The following ZNF652 variants were observed in gnomAD, a reference collection of about 807,000 sequenced individuals.
ZNF652 encodes zinc finger protein 652.
In ZNF652, 16 loss-of-function variants were observed where a neutral mutation model predicts 45.2. That is an observed-to-expected ratio of 0.35 (90% CI 0.24 to 0.54). The LOEUF is 0.54. ZNF652 is among the 20% of genes least tolerant of loss of function. The probability of loss-of-function intolerance (pLI) is 0.91; values close to 1 mark genes in which losing one functional copy is unlikely to be tolerated. For synonymous variants in ZNF652, 250 were observed against 260.6 expected (o/e 0.96, Z 0.39); for missense variants, 614 against 765.6 (o/e 0.80, Z 2.34).
At chr17:49,304,704 T>A (rs937756630) in intron 5 of ZNF652, among the ~76,000 whole-genome samples, 1 of 152,084 alleles carries the variant, frequency 6.6e-6, no homozygotes, top group Admixed American at 6.5e-5. Context: ...AGCAATGTAA[T>A]GAGTCTGAAG....
At chr17:49,351,002 TATATATATATATAC>T (rs2070270283) in intron 1 of ZNF652, among the ~76,000 whole-genome samples, 3 of 20,530 alleles carry the variant, frequency 1.5e-4, no homozygotes, top group African/African-American at 2.7e-4. Flanking sequence ...TATATATATA[TATATATATATATAC>T]ACACACACAC....
At chr17:49,347,529 C>T (rs903829095) in intron 1 of ZNF652, among the ~76,000 whole-genome samples, 1 of 152,078 alleles carries the variant, frequency 6.6e-6, no homozygotes, top group Non-Finnish European at 1.5e-5. Flanking sequence ...CATGCCACTG[C>T]ACTCCAGCCT....
intron 1 of ZNF652, among the ~76,000 whole-genome samples, chr17:49,327,775 A>G (rs1250215227): frequency 4.1e-3 from 10 of 2,426 alleles, no homozygotes; most frequent in African/African-American, 0.014. Flanking sequence ...ATATATATAT[A>G]TATATTTTTT....
chr17:49,334,317 CAA>C (rs1170947072), intron 1 of ZNF652, among the ~76,000 whole-genome samples: 7 of 152,168 alleles, frequency 4.6e-5, no homozygotes, highest in African/African-American at 1.7e-4. Flanking sequence ...CTCGTCTCTA[CAA>C]AAAGTTTTTC....
rs371898730 is a variant in ZNF652, at chr17:49,336,759, C to T, written c.-258-18776G>A. Among the ~76,000 whole-genome samples, 31 of 151,546 alleles carry T rather than the reference C, an allele frequency of 2.0e-4. 1 individual carries two copies. Among genetic ancestry groups the T allele is most frequent in the African/African-American group, 5.3e-4 (22 of 41,308 alleles). ...CTCCTGCTTCAGCCTCCTGAGTTGCCGGGATTACAGGCGCATGCTACCACA... is the reference window on the plus strand; with the variant it reads ...CTCCTGCTTCAGCCTCCTGAGTTGCTGGGATTACAGGCGCATGCTACCACA... On this transcript the variant is annotated intron_variant, in intron 1 of 5. Transcript: ENST00000430262.
At chr17:49,300,046 AAAG>A (rs2069531142) in intron 5 of ZNF652, among the ~76,000 whole-genome samples, 1 of 152,202 alleles carries the variant, frequency 6.6e-6, no homozygotes, top group Non-Finnish European at 1.5e-5. Flanking sequence ...CCTGTGGAAC[AAAG>A]AAGTCTCTTC....
At position 49,317,975 on chromosome 17, in the gene ZNF652, G is replaced by A. The variant is rs963668938; in HGVS notation, c.-250C>T. The A allele has an allele frequency of 2.7e-6, 1 of 367,074 alleles. No individual in the cohort carries two copies. The highest frequency in any genetic ancestry group is 2.1e-5 in the African/African-American group (1 of 47,848). 22.7% of individuals were successfully genotyped at this position (367,074 alleles called of 1,614,324 possible). On this transcript the variant is annotated 5_prime_UTR_variant, in exon 2 of 6. Coordinates refer to ENST00000430262, the MANE Select transcript of ZNF652 (RefSeq NM_001145365.3). Reference sequence around the variant, plus strand: ...GAAGAGAGCTGCAAGGGACTTGGGAGCATCTTATCTACAAAGAAAAGCAAA... The same window carrying A: ...GAAGAGAGCTGCAAGGGACTTGGGAACATCTTATCTACAAAGAAAAGCAAA...
chr17:49,328,579 A>G (rs1265466305), intron 1 of ZNF652, among the ~76,000 whole-genome samples: 1 of 152,044 alleles, frequency 6.6e-6, no homozygotes, highest in Non-Finnish European at 1.5e-5. Flanking sequence ...TTTACATGAG[A>G]TCTGGTTAAG....
At chr17:49,345,833 T>C (rs1416210776) in intron 1 of ZNF652, among the ~76,000 whole-genome samples, 1 of 124,546 alleles carries the variant, frequency 8.0e-6, no homozygotes, top group Admixed American at 8.7e-5. Context: ...AGAGCGAGAC[T>C]CCATCTCAAA....
In ZNF652 at chr17:49,295,868, G is replaced by A. The variant is rs1320372566; in HGVS notation, c.*2545C>T. On this transcript the variant is annotated 3_prime_UTR_variant, in exon 6 of 6. Coordinates refer to ENST00000430262, the MANE Select transcript of ZNF652 (RefSeq NM_001145365.3). Reference sequence around the variant, plus strand: ...CAGGAGAATCACTTGAACCCGGGGGGCGGGGGTTGCAGTGAGCCAAGATCA... The same window carrying A: ...CAGGAGAATCACTTGAACCCGGGGGACGGGGGTTGCAGTGAGCCAAGATCA... 2 of 149,678 alleles carry A rather than the reference G, an allele frequency of 1.3e-5. No individual in the cohort carries two copies. The highest frequency in any genetic ancestry group is 4.9e-5 in the African/African-American group (2 of 40,458). 9.3% of individuals were successfully genotyped at this position (149,678 alleles called of 1,614,324 possible).
intron 1 of ZNF652, among the ~76,000 whole-genome samples, chr17:49,324,823 C>T (rs2069939298): frequency 6.7e-6 from 1 of 149,638 alleles, no homozygotes; most frequent in Non-Finnish European, 1.5e-5. Flanking sequence ...TCACTGCAAC[C>T]TCCACCTCCT....
At chr17:49,288,914 C>G (rs1285221043), downstream of ZNF652, among the ~76,000 whole-genome samples, 1 of 152,174 alleles carries the variant, frequency 6.6e-6, no homozygotes, top group African/African-American at 2.4e-5. Context: ...AGGATACTTT[C>G]AGATTATTGC....
intron 1 of ZNF652, among the ~76,000 whole-genome samples, chr17:49,337,918 C>A (rs1364055689): frequency 2.6e-5 from 4 of 152,114 alleles, no homozygotes; most frequent in African/African-American, 9.7e-5. Context: ...TTGACCCTCA[C>A]CTTCACAAGC....
In ZNF652 at chr17:49,298,218, T is replaced by G; in HGVS notation, c.*195A>C. ...CTTTAGTTCAGTGGTTCCCCTGGTT[T>G]AGATGACAGTCCCTCTGTGAGCTCA... On this transcript the variant is annotated 3_prime_UTR_variant, in exon 6 of 6. Transcript: ENST00000430262. 1 of 676,496 alleles carries G rather than the reference T, an allele frequency of 1.5e-6. No homozygotes were observed. The highest frequency in any genetic ancestry group is 2.2e-5 in the South Asian group (1 of 45,974). The allele number at this position is 676,496 out of a possible 1,614,324, so 41.9% of individuals were successfully genotyped here.
At chr17:49,350,977 A>G (rs1196059981) in intron 1 of ZNF652, among the ~76,000 whole-genome samples, 6,152 of 21,500 alleles carry the variant, frequency 0.29, 484 homozygotes, top group African/African-American at 0.48. Context: ...CTACATATAT[A>G]TATATATATA....
intron 1 of ZNF652, among the ~76,000 whole-genome samples, chr17:49,353,274 T>C (rs1480181876): frequency 5.3e-5 from 8 of 152,132 alleles, no homozygotes; most frequent in Non-Finnish European, 1.2e-4. Context: ...CTCCACGTCC[T>C]AGGCTCAGGT....
At chr17:49,326,195 T>C (rs551327232) in intron 1 of ZNF652, among the ~76,000 whole-genome samples, 1 of 147,436 alleles carries the variant, frequency 6.8e-6, no homozygotes, top group African/African-American at 2.5e-5. Flanking sequence ...GGAGAATTGC[T>C]TGAGCCCAGG....
chr17:49,323,403 A>G (rs910513159), intron 1 of ZNF652, among the ~76,000 whole-genome samples: 1 of 152,166 alleles, frequency 6.6e-6, no homozygotes, highest in Non-Finnish European at 1.5e-5. Context: ...GACTTCCTCC[A>G]CTGAAGTGTT....
chr17:49,327,911 C>T lies in ZNF652; in HGVS notation c.-258-9928G>A, dbSNP rs191447673. On this transcript the variant is annotated intron_variant, in intron 1 of 5. Transcript: ENST00000430262. ...GGAATTACAGGCATGAGCCATCACA[C>T]CTGTAATTTTTTAAAAAGTAAAAAC... 2.3e-3 allele frequency among the ~76,000 whole-genome samples: 349 copies of T among 151,150 alleles called. 1 individual carries two copies. Among genetic ancestry groups the T allele is most frequent in the Non-Finnish European group, 4.3e-3 (290 of 67,856 alleles).
Sources: allele counts gnomAD v4.1 joint callset (sites outside exome capture counted in the v4.1 genomes callset), GRCh38; gene constraint gnomAD v4.1.1; transcripts MANE v1.5; gene names NCBI Gene and HGNC (gene_info 2026-07-23, HGNC 2026-07-21).